The following TENM4 variants were observed in gnomAD, a reference collection of about 807,000 sequenced individuals.
TENM4 encodes the protein teneurin-4.
TENM4 carries 82 observed loss-of-function variants against 243.3 expected under a neutral mutation model. The observed-to-expected ratio is 0.34, with a 90% CI of 0.28 to 0.40. The LOEUF is 0.40. TENM4 is among the 10% of genes least tolerant of loss of function. The pLI is 1.00. For synonymous variants in TENM4, 1,412 were observed against 1,456.3 expected (o/e 0.97, Z 0.69); for missense variants, 3,138 against 3,673.3 (o/e 0.85, Z 3.77).
chr11:79,203,501 T>C (rs10899609), intron 3 of TENM4, among the ~76,000 whole-genome samples: 1 of 152,120 alleles, frequency 6.6e-6, no homozygotes, highest in African/African-American at 2.4e-5. Context: ...TACCAAACCC[T>C]GTATATACTA....
intron 3 of TENM4, among the ~76,000 whole-genome samples, chr11:79,154,010 A>G (rs1862556832): frequency 6.6e-6 from 1 of 152,118 alleles, no homozygotes; most frequent in Non-Finnish European, 1.5e-5. Flanking sequence ...GGGTGTGAAA[A>G]GTTTTAAAAA....
chr11:78,841,849 A>G (rs1273443885), intron 12 of TENM4, among the ~76,000 whole-genome samples: 1 of 152,028 alleles, frequency 6.6e-6, no homozygotes, highest in Non-Finnish European at 1.5e-5. Flanking sequence ...TTCTGCCTGC[A>G]CCAATGGGTG....
chr11:79,368,888 T>C (rs1472750451), intron 1 of TENM4, among the ~76,000 whole-genome samples: 3 of 152,230 alleles, frequency 2.0e-5, no homozygotes, highest in African/African-American at 7.2e-5. Flanking sequence ...GTGGAGTCAA[T>C]ACGTTCAGGA....
intron 21 of TENM4, among the ~76,000 whole-genome samples, chr11:78,730,742 G>A (rs7945849): frequency 2.4e-4 from 36 of 152,296 alleles, no homozygotes; most frequent in African/African-American, 8.2e-4. Context: ...TCTACCCTAC[G>A]TTTACAGTGG....
chr11:79,094,480 C>T (rs980133241), intron 4 of TENM4, among the ~76,000 whole-genome samples: 4 of 152,164 alleles, frequency 2.6e-5, no homozygotes, highest in Non-Finnish European at 4.4e-5. Context: ...TACCATGCCT[C>T]TTTTCCAGGA....
intron 5 of TENM4, chr11:79,067,975 C>T (rs1037182309): frequency 1.3e-5 from 2 of 152,206 alleles, no homozygotes; most frequent in African/African-American, 4.8e-5. Context: ...ATTTTGTAAA[C>T]TGCTACGCAC....
At chr11:79,265,652 T>C (rs1351578701) in intron 2 of TENM4, among the ~76,000 whole-genome samples, 11 of 152,194 alleles carry the variant, frequency 7.2e-5, no homozygotes, top group Admixed American at 5.9e-4. Context: ...TTCACATATA[T>C]ATCCATGTCA....
intron 6 of TENM4, among the ~76,000 whole-genome samples, chr11:78,980,437 T>G (rs1857765582): frequency 6.6e-6 from 1 of 152,188 alleles, no homozygotes; most frequent in Non-Finnish European, 1.5e-5. Context: ...GAACTCCTAA[T>G]GACTTCTCTG....
intron 11 of TENM4, among the ~76,000 whole-genome samples, chr11:78,855,381 T>C (rs1565408265): frequency 1.3e-5 from 2 of 152,230 alleles, no homozygotes; most frequent in South Asian, 2.1e-4. Flanking sequence ...TCAGTCATCC[T>C]GGACAAGGTT....
intron 6 of TENM4, among the ~76,000 whole-genome samples, chr11:78,992,560 T>G (rs1858072609): frequency 6.6e-6 from 1 of 152,194 alleles, no homozygotes; most frequent in Non-Finnish European, 1.5e-5. Flanking sequence ...TGTGAACTCA[T>G]TTTTCCTGCC....
chr11:78,761,271 G>A (rs748601578), intron 18 of TENM4, among the ~76,000 whole-genome samples: 10 of 149,964 alleles, frequency 6.7e-5, no homozygotes, highest in East Asian at 2.0e-4. Flanking sequence ...ACGTTGTCTC[G>A]CTCTGTTGCC....
chr11:78,847,478 C>G (rs1030547749), intron 12 of TENM4, among the ~76,000 whole-genome samples: 3 of 152,216 alleles, frequency 2.0e-5, no homozygotes, highest in Non-Finnish European at 4.4e-5. Flanking sequence ...CTCTGATACT[C>G]CTAGCTCTCT....
intron 4 of TENM4, among the ~76,000 whole-genome samples, chr11:79,138,323 ATATATAT>A (rs1220989655): frequency 1.8e-5 from 2 of 110,258 alleles, no homozygotes; most frequent in Non-Finnish European, 1.8e-5. Context: ...ATATATATAT[ATATATAT>A]TATATATATA....
chr11:78,916,114 T>C (rs1227104554), intron 6 of TENM4, among the ~76,000 whole-genome samples: 1 of 152,226 alleles, frequency 6.6e-6, no homozygotes, highest in African/African-American at 2.4e-5. Flanking sequence ...GCCAGGAGGT[T>C]GAGTGCTGAA....
chr11:79,225,421 T>C (rs1246520299), intron 2 of TENM4, among the ~76,000 whole-genome samples: 8 of 152,158 alleles, frequency 5.3e-5, no homozygotes, highest in Non-Finnish European at 1.0e-4. Flanking sequence ...TATGTCCTCC[T>C]GCTTTTTTTT....
At chr11:78,711,215 T>TCC (rs527746772) in intron 26 of TENM4, among the ~76,000 whole-genome samples, 193 of 152,344 alleles carry the variant, frequency 1.3e-3, no homozygotes, top group Non-Finnish European at 2.1e-3. Context: ...ACTCCAGGTA[T>TCC]GTGGTAGAGA....
chr11:79,190,034 T>C (rs1055810843), intron 3 of TENM4, among the ~76,000 whole-genome samples: 1 of 152,228 alleles, frequency 6.6e-6, no homozygotes, highest in African/African-American at 2.4e-5. Flanking sequence ...GGGAGCCTTC[T>C]GGAACCTTCA....
At chr11:79,190,406 T>A (rs1863457428) in intron 3 of TENM4, among the ~76,000 whole-genome samples, 1 of 152,214 alleles carries the variant, frequency 6.6e-6, no homozygotes, top group South Asian at 2.1e-4. Flanking sequence ...ATGGCAAATG[T>A]CTTTCTTTTT....
In TENM4 at chr11:79,156,379, A is replaced by G. The variant is rs1862616858; in HGVS notation, c.-162-7573T>C. Reference sequence around the variant, plus strand: ...TCTGGTCCCTGTTCACGTTGTGTGTAACGCATACCCCACCAGGGAGTCTTG... The same window carrying G: ...TCTGGTCCCTGTTCACGTTGTGTGTGACGCATACCCCACCAGGGAGTCTTG... On this transcript the variant is annotated intron_variant, in intron 3 of 33. Coordinates refer to ENST00000278550, the MANE Select transcript of TENM4 (RefSeq NM_001098816.3). Among the ~76,000 whole-genome samples, 4 of 152,228 alleles carry G rather than the reference A, an allele frequency of 2.6e-5. No homozygotes were observed. The South Asian group carries it at 6.2e-4, about 24-fold the overall frequency.
Sources: allele counts gnomAD v4.1 joint callset (sites outside exome capture counted in the v4.1 genomes callset), GRCh38; gene constraint gnomAD v4.1.1; transcripts MANE v1.5; gene names NCBI Gene and HGNC (gene_info 2026-07-23, HGNC 2026-07-21).